The following SH3RF2 variants were observed in gnomAD, a reference collection of about 807,000 sequenced individuals.
SH3RF2 encodes SH3 domain containing ring finger 2, also known as E3 ubiquitin-protein ligase SH3RF2.
A neutral mutation model predicts 59.0 loss-of-function variants in SH3RF2; 43 were observed. The ratio of observed to expected loss-of-function variants is 0.73; its 90% CI spans 0.57 to 0.94. SH3RF2 has a LOEUF of 0.94. SH3RF2 is among the 40% of genes least tolerant of loss of function. SH3RF2 has a pLI of 0.00. For synonymous variants in SH3RF2, 391 were observed against 391.5 expected, an observed-to-expected ratio of 1.00 and a Z score of 0.01; for missense variants, 930 against 940.1, an observed-to-expected ratio of 0.99 and a Z score of 0.14.
intron 5 of SH3RF2, among the ~76,000 whole-genome samples, chr5:146,031,067 T>C (rs1467295219): frequency 6.6e-6 from 1 of 152,218 alleles, no homozygotes; most frequent in Non-Finnish European, 1.5e-5. Flanking sequence ...CTGAGGTCCC[T>C]AATGCCTTTG....
At chr5:145,991,582 G>A (rs1759934293) in intron 2 of SH3RF2, among the ~76,000 whole-genome samples, 1 of 152,136 alleles carries the variant, frequency 6.6e-6, no homozygotes, top group East Asian at 1.9e-4. Flanking sequence ...AGAAAAAGAA[G>A]AAAGAGGGTC....
At chr5:145,937,318 G>T (rs1757626394) in intron 1 of SH3RF2, among the ~76,000 whole-genome samples, 2 of 152,268 alleles carry the variant, frequency 1.3e-5, no homozygotes, top group East Asian at 3.9e-4. Context: ...TATTGTGAAG[G>T]AAATAATTCT....
chr5:146,015,072 C>G (rs937281124), intron 5 of SH3RF2, among the ~76,000 whole-genome samples: 6 of 151,936 alleles, frequency 3.9e-5, no homozygotes, highest in Admixed American at 6.5e-5. Flanking sequence ...TTTTAAGGAG[C>G]TGTAAATTTT....
intron 5 of SH3RF2, among the ~76,000 whole-genome samples, chr5:146,018,147 T>C (rs550812703): frequency 1.2e-3 from 184 of 152,272 alleles, no homozygotes; most frequent in African/African-American, 3.9e-3. Context: ...TTTGGTTACA[T>C]GGATGAATTG....
intron 5 of SH3RF2, among the ~76,000 whole-genome samples, chr5:146,016,430 G>T (rs1364295496): frequency 6.6e-6 from 1 of 151,960 alleles, no homozygotes; most frequent in Non-Finnish European, 1.5e-5. Flanking sequence ...TAGATAAATA[G>T]ATAGATAGAT....
rs571478445 is a variant in SH3RF2, at chr5:146,071,138, A to G, written c.*34-7322A>G. ...ATTTGCATTCAGGAGACCCTCACAA[A>G]TAAGTAGAAAGGAAGCTTGAATCAA... On this transcript the variant is annotated intron_variant, in intron 9 of 9. Coordinates refer to the SH3RF2 transcript ENST00000511217. Among the ~76,000 whole-genome samples, 8 of 152,326 alleles carry G rather than the reference A, an allele frequency of 5.3e-5. No homozygotes were observed. The East Asian group carries it at 1.2e-3, about 22-fold the overall frequency.
At position 146,000,096 on chromosome 5, in the gene SH3RF2, G is replaced by C. The variant is rs1484780910; in HGVS notation, c.417G>C (p.Gln139His). Residue 139 changes from glutamine to histidine, a missense_variant, in exon 3 of 10, where the codon CAG becomes CAC. Physicochemically the swap from Gln to His is conservative, Grantham distance 24. Transcript: ENST00000359120. ...AGGCCTTATGCAACTACAGAGGGCA[G>C]AATCCCGGTGACCTAAGGTTTAATA... ...RAKALCNYRG[Q>H]NPGDLRFNKG... 1.2e-6 allele frequency: 2 copies of C among 1,613,518 alleles called. No individual in the cohort carries two copies. The highest frequency in any genetic ancestry group is 3.3e-5 in the Admixed American group (2 of 59,880).
chr5:145,979,650 C>G (rs188039399), intron 2 of SH3RF2, among the ~76,000 whole-genome samples: 97 of 152,330 alleles, frequency 6.4e-4, no homozygotes, highest in African/African-American at 2.3e-3. Context: ...GAAAATTTAA[C>G]AATTGGCTTT....
chr5:146,041,092 T>G (rs936598223), intron 5 of SH3RF2, among the ~76,000 whole-genome samples: 2 of 152,202 alleles, frequency 1.3e-5, no homozygotes, highest in African/African-American at 4.8e-5. Flanking sequence ...CTAGGGTCCT[T>G]GCTTCTGGCA....
chr5:146,057,966 C>CTCTCTATCTA (rs796279528), intron 8 of SH3RF2, among the ~76,000 whole-genome samples: 3 of 72,926 alleles, frequency 4.1e-5, no homozygotes, highest in African/African-American at 1.2e-4. Context: ...CTCTCTCTCT[C>CTCTCTATCTA]TCTATCTATC....
At chr5:145,991,161 G>A (rs1759918167) in intron 2 of SH3RF2, among the ~76,000 whole-genome samples, 1 of 152,114 alleles carries the variant, frequency 6.6e-6, no homozygotes, top group Admixed American at 6.5e-5. Context: ...CAATAAGAAT[G>A]GTAAAAACAC....
chr5:145,942,507 G>C (rs1320508420), intron 2 of SH3RF2, among the ~76,000 whole-genome samples: 1 of 152,302 alleles, frequency 6.6e-6, no homozygotes, highest in Admixed American at 6.5e-5. Context: ...AGGGAATGAG[G>C]CTGGGTAGAA....
intron 2 of SH3RF2, among the ~76,000 whole-genome samples, chr5:145,974,302 T>A (rs963516524): frequency 6.6e-6 from 1 of 152,158 alleles, no homozygotes; most frequent in African/African-American, 2.4e-5. Flanking sequence ...GGTAGTGATA[T>A]CTCATCACCT....
At chr5:146,022,317 C>T (rs1187791244) in intron 5 of SH3RF2, among the ~76,000 whole-genome samples, 1 of 152,150 alleles carries the variant, frequency 6.6e-6, no homozygotes, top group Admixed American at 6.5e-5. Context: ...AAGCGATTCT[C>T]CTGCCTCAGC....
At chr5:146,025,842 T>C (rs1761512032) in intron 5 of SH3RF2, among the ~76,000 whole-genome samples, 1 of 152,178 alleles carries the variant, frequency 6.6e-6, no homozygotes, top group Non-Finnish European at 1.5e-5. Context: ...CTAAATGACA[T>C]TGAAATTAAG....
intron 2 of SH3RF2, among the ~76,000 whole-genome samples, chr5:145,959,600 T>C (rs1244928553): frequency 6.6e-6 from 1 of 151,146 alleles, no homozygotes; most frequent in African/African-American, 2.4e-5. Flanking sequence ...CAATAAAATC[T>C]ACTGCTATAT....
intron 8 of SH3RF2, among the ~76,000 whole-genome samples, chr5:146,057,809 G>A (rs1762721203): frequency 1.3e-5 from 2 of 152,148 alleles, no homozygotes. Flanking sequence ...CAAGTATGGT[G>A]GCACTTGCCT....
intron 2 of SH3RF2, among the ~76,000 whole-genome samples, chr5:145,999,476 T>C (rs1399814571): frequency 1.3e-5 from 2 of 152,240 alleles, no homozygotes; most frequent in East Asian, 3.8e-4. Context: ...TCAGCTTTAG[T>C]CATGCCTTCC....
chr5:145,937,653 C>T (rs1305288506), intron 1 of SH3RF2, among the ~76,000 whole-genome samples, 170 bp from the exon 2 acceptor site: 5 of 152,136 alleles, frequency 3.3e-5, no homozygotes, highest in Non-Finnish European at 1.5e-5. Flanking sequence ...ACAGCAAGCA[C>T]GAGTTGAGTC....
Sources: allele counts gnomAD v4.1 joint callset (sites outside exome capture counted in the v4.1 genomes callset), GRCh38; gene constraint gnomAD v4.1.1; transcripts MANE v1.5; gene names NCBI Gene and HGNC (gene_info 2026-07-23, HGNC 2026-07-21).